TMEM132E: variants seen among roughly 807,000 people sequenced by gnomAD.
The protein encoded by TMEM132E is transmembrane protein 132E.
In TMEM132E, 49 loss-of-function variants were observed where a neutral mutation model predicts 78.5. The observed-to-expected ratio is 0.62, with a 90% CI of 0.50 to 0.79. The LOEUF (loss-of-function observed/expected upper bound fraction) is 0.79. Ranked by LOEUF, TMEM132E falls within the 30% of genes least tolerant of loss-of-function variation. The pLI, the probability that TMEM132E is intolerant of heterozygous loss-of-function variation, is 0.00. For synonymous variants in TMEM132E, 715 were observed against 670.6 expected (o/e 1.07, Z -1.02); for missense variants, 1,403 against 1,470.9 (o/e 0.95, Z 0.75).
chr17:34,584,130 C>T (rs1905585631), intron 1 of TMEM132E, among the ~76,000 whole-genome samples: 1 of 152,354 alleles, frequency 6.6e-6, no homozygotes. Context: ...ATCAAGGGCA[C>T]ACTCATTGCC....
At chr17:34,628,163 G>A (rs1246843782) in intron 2 of TMEM132E, among the ~76,000 whole-genome samples, 1 of 152,194 alleles carries the variant, frequency 6.6e-6, no homozygotes, top group African/African-American at 2.4e-5. Flanking sequence ...AGGACAGAGG[G>A]GAATTGTTCT....
At chr17:34,608,263 A>G (rs577432963) in intron 1 of TMEM132E, among the ~76,000 whole-genome samples, 1 of 152,296 alleles carries the variant, frequency 6.6e-6, no homozygotes, top group African/African-American at 2.4e-5. Context: ...AAAACCAAAT[A>G]TATATTTCTT....
chr17:34,626,562 A>C lies in TMEM132E; in HGVS notation c.503A>C (p.His168Pro), dbSNP rs1222496878. 6.3e-7 allele frequency: 1 copy of C among 1,582,788 alleles called. No homozygotes were observed. Among genetic ancestry groups the C allele is most frequent in the Non-Finnish European group, 8.6e-7 (1 of 1,168,754 alleles). The change falls in exon 2 of 9, where the codon CAT (histidine) becomes CCT (proline). Residue 168 changes from histidine to proline, a missense_variant. By Grantham distance (77) the His-to-Pro change is moderately conservative. Around this residue, in one of 3 missense-constraint regions of TMEM132E, gnomAD observed 511 missense variants for 499.0 expected, o/e 1.02. Coordinates refer to ENST00000631683, the MANE Select transcript of TMEM132E (RefSeq NM_001304438.2). ...VTERLPCVRL[H>P]AFRDAREVKS... is the part of the protein sequence containing the mutation. The stretch of plus-strand genomic sequence containing the variant: ...GAGCGGCTGCCCTGTGTCCGCCTGC[A>C]TGCCTTCCGGGATGCCCGGGAAGTC...
chr17:34,614,283 CT>C (rs1255221457), intron 1 of TMEM132E: 7 of 152,352 alleles, frequency 4.6e-5, no homozygotes, highest in Admixed American at 1.3e-4. Flanking sequence ...CTCCTGACCC[CT>C]ATTCCTACAT....
At chr17:34,603,424 C>T (rs137976426) in intron 1 of TMEM132E, among the ~76,000 whole-genome samples, 1 of 152,136 alleles carries the variant, frequency 6.6e-6, no homozygotes, top group Non-Finnish European at 1.5e-5. Context: ...CCTGTATAGT[C>T]GTGTTCCACA....
In TMEM132E at chr17:34,637,519, G is replaced by A. The variant is rs1907566316; in HGVS notation, c.2512G>A (p.Glu838Lys). The A allele has an allele frequency of 1.2e-6, 2 of 1,601,446 alleles. No homozygotes were observed. The change falls in exon 9 of 9, where the codon GAG (glutamate) becomes AAG (lysine). Residue 838 changes from glutamate to lysine, a missense_variant. Glu to Lys is a moderately conservative substitution (Grantham distance 56). Transcript: ENST00000631683. ...ACCAGGGCCCGGCGGGGGCGAGGAC[G>A]AGGCCCGGGGAGCTGGCCCGCCGGG... is the stretch of plus-strand genomic sequence containing the variant. Reference protein sequence around the residue: ...SQPGPGGGEDEARGAGPPGSA... With the variant: ...SQPGPGGGEDKARGAGPPGSA...
Position 34,637,231 on chromosome 17 carries a change from T to G in TMEM132E, c.2224T>G (p.Ser742Ala), listed in dbSNP as rs1474724387. Residue 742 changes from serine (S) to alanine (A), a missense_variant, in exon 9 of 9, where the codon TCC becomes GCC. By Grantham distance (99) the Ser-to-Ala change is moderately conservative. Transcript: ENST00000631683. The part of the protein sequence containing the change: ...SYSDGTTAPL[S>A]LYSPRDYGLL... ...CAGTGATGGCACCACAGCCCCACTC[T>G]CCCTCTACAGCCCACGAGACTATGG... 2 of 1,613,264 alleles carry G rather than the reference T, an allele frequency of 1.2e-6. No homozygotes were observed. The highest frequency in any genetic ancestry group is 3.3e-5 in the Admixed American group (2 of 60,014).
intron 3 of TMEM132E, 59 bp from the exon 4 acceptor site, chr17:34,628,953 C>G (rs1184823288): frequency 1.1e-5 from 16 of 1,505,458 alleles, no homozygotes; most frequent in Non-Finnish European, 1.4e-5. Context: ...AGTTTCTGAG[C>G]TCCTGGGCTG....
chr17:34,613,468 G>C (rs746116642), intron 1 of TMEM132E, among the ~76,000 whole-genome samples: 11 of 147,776 alleles, frequency 7.4e-5, no homozygotes, highest in Non-Finnish European at 1.6e-4. Context: ...GGGCCTTCTC[G>C]GTTGGCCCTG....
rs147487760 is a variant in TMEM132E at position 34,636,032 on chromosome 17, T to C, written c.2003T>C (p.Val668Ala). 203 of 1,536,302 alleles carry C rather than the reference T, an allele frequency of 1.3e-4. 1 individual carries two copies. Among genetic ancestry groups the C allele is most frequent in the Non-Finnish European group, 1.7e-4 (197 of 1,144,660 alleles). ...FKVVSPLTEA[V>A]LGETLLTVTE... Reference sequence around the variant, plus strand: ...GTGGTGTCTCCGCTGACGGAGGCTGTGCTCGGGGAGACGCTGCTGACGGTG... The same window carrying C: ...GTGGTGTCTCCGCTGACGGAGGCTGCGCTCGGGGAGACGCTGCTGACGGTG... The change falls in exon 8 of 9, where the codon GTG becomes GCG. Residue 668 changes from valine (V) to alanine (A), a missense_variant. Val to Ala is a moderately conservative substitution (Grantham distance 64, BLOSUM62 0). Coordinates refer to ENST00000631683, the MANE Select transcript of TMEM132E (RefSeq NM_001304438.2).
At position 34,581,040 on chromosome 17, in the gene TMEM132E, G is replaced by C. The variant is rs770679915; in HGVS notation, c.-37G>C. 3 of 1,522,538 alleles carry C rather than the reference G, an allele frequency of 2.0e-6. No individual in the cohort carries two copies. In the African/African-American group the frequency reaches 4.3e-5, roughly 22 times the overall value. The allele number at this position is 1,522,538 out of a possible 1,614,324, so 94.3% of individuals were successfully genotyped here. A position where few individuals can be genotyped will look rare whatever the true frequency, so the allele number is the denominator to read the frequency against. ...GCCTGGGGCCAAGTCGTCGTCGACTGTTGCTCTCTCGGACCCCTCCCGCCC... is the reference window on the plus strand; with the variant it reads ...GCCTGGGGCCAAGTCGTCGTCGACTCTTGCTCTCTCGGACCCCTCCCGCCC... On this transcript the variant is annotated 5_prime_UTR_variant, in exon 1 of 9. Coordinates refer to ENST00000631683, the MANE Select transcript of TMEM132E (RefSeq NM_001304438.2).
At chr17:34,630,550 G>A (rs1331769338) in intron 5 of TMEM132E, among the ~76,000 whole-genome samples, 1 of 152,210 alleles carries the variant, frequency 6.6e-6, no homozygotes, top group Non-Finnish European at 1.5e-5. Context: ...GAACCTTGGT[G>A]TGTGCAGACA....
At chr17:34,605,374 A>G (rs1906378553) in intron 1 of TMEM132E, among the ~76,000 whole-genome samples, 1 of 152,184 alleles carries the variant, frequency 6.6e-6, no homozygotes, top group South Asian at 2.1e-4. Context: ...GTCAGCCAGG[A>G]GGAGTGGCCC....
rs558015960 is a variant in TMEM132E at position 34,600,275 on chromosome 17, C to T, written c.67+19132C>T. Among the ~76,000 whole-genome samples, 8 of 152,256 alleles carry T rather than the reference C, an allele frequency of 5.3e-5. No individual in the cohort carries two copies. The South Asian group carries it at 1.0e-3, about 20-fold the overall frequency. ...TCTGTTTGGTGGGCTAACCTGGAAA[C>T]GTAACTACTGATAATTGCTACTACT... On this transcript the variant is annotated intron_variant, in intron 1 of 8. Coordinates refer to ENST00000631683, the MANE Select transcript of TMEM132E (RefSeq NM_001304438.2).
Position 34,626,266 on chromosome 17 carries a change from C to T in TMEM132E, c.207C>T (p.Ala69=). 1 of 1,606,084 alleles carries T rather than the reference C, an allele frequency of 6.2e-7. No individual in the cohort carries two copies. The highest frequency in any genetic ancestry group is 8.5e-7 in the Non-Finnish European group (1 of 1,176,772). Residue 69 remains alanine, a synonymous_variant, in exon 2 of 9, where the codon GCC becomes GCT. Transcript: ENST00000631683. ...CGCGGCCCCCGTCACCCGCGGTCGCCAACAGCTCTCTGCAGCGCTCCGAGC... is the reference window on the plus strand; with the variant it reads ...CGCGGCCCCCGTCACCCGCGGTCGCTAACAGCTCTCTGCAGCGCTCCGAGC... ...REARPPSPAV[A]NSSLQRSEPF...
At position 34,636,154 on chromosome 17, in the gene TMEM132E, C is replaced by A; in HGVS notation, c.2125C>A (p.Leu709Ile). 1.9e-6 allele frequency: 3 copies of A among 1,566,220 alleles called. No individual in the cohort carries two copies. The highest frequency in any genetic ancestry group is 2.6e-6 in the Non-Finnish European group (3 of 1,159,182). The change falls in exon 8 of 9, where the codon CTA becomes ATA. Residue 709 changes from leucine to isoleucine, a missense_variant. Physicochemically the swap from Leu to Ile is conservative, Grantham distance 5. This residue lies in a region of TMEM132E where 888 missense variants were observed against 952.8 expected (regional missense o/e 0.93). Coordinates refer to ENST00000631683, the MANE Select transcript of TMEM132E (RefSeq NM_001304438.2). ...CAGCCCTGGGAGCAGCCACACCATCCTAGCCACCACAGCTGCCCAACAGAC... is the reference window on the plus strand; with the variant it reads ...CAGCCCTGGGAGCAGCCACACCATCATAGCCACCACAGCTGCCCAACAGAC... ...RPSPGSSHTI[L>I]ATTAAQQTLS...
At chr17:34,628,028 A>C (rs548715752) in intron 2 of TMEM132E, among the ~76,000 whole-genome samples, 1 of 152,368 alleles carries the variant, frequency 6.6e-6, no homozygotes, top group South Asian at 2.1e-4. Flanking sequence ...TTTAGTGTCC[A>C]GAGGAGTGTG....
intron 1 of TMEM132E, among the ~76,000 whole-genome samples, chr17:34,625,082 G>C (rs959335448): frequency 3.9e-5 from 6 of 152,228 alleles, no homozygotes; most frequent in African/African-American, 1.4e-4. Context: ...TTGTGTCCAG[G>C]AGAAAAAAAT....
At chr17:34,598,903 G>A (rs1025604729) in intron 1 of TMEM132E, among the ~76,000 whole-genome samples, 1 of 152,062 alleles carries the variant, frequency 6.6e-6, no homozygotes, top group African/African-American at 2.4e-5. Context: ...GAGATGCTGA[G>A]CGATCCAGTC....
Sources: gnomAD v4.1 joint callset for allele counts (sites outside exome capture counted in the v4.1 genomes callset) on GRCh38, gnomAD v4.1.1 for gene constraint, gnomAD v4.1.1 regional missense constraint, MANE v1.5 for transcripts, NCBI Gene and HGNC (gene_info 2026-07-23, HGNC 2026-07-21) for gene names.